NSUN7: variants seen among roughly 807,000 people sequenced by gnomAD.
NSUN7 encodes the protein protein NSUN7.
NSUN7 carries 39 observed loss-of-function variants against 58.5 expected under a neutral mutation model. The ratio of observed to expected loss-of-function variants is 0.67; its 90% confidence interval spans 0.52 to 0.87. The LOEUF (loss-of-function observed/expected upper bound fraction) is 0.87. Among genes scored for constraint, NSUN7 ranks in the 40% least tolerant of loss-of-function variants. NSUN7 has a pLI of 0.00. For synonymous variants in NSUN7, 278 were observed against 303.7 expected (o/e 0.92, Z 0.88); for missense variants, 765 against 844.1 (o/e 0.91, Z 1.16).
intron 2 of NSUN7, among the ~76,000 whole-genome samples, chr4:40,759,236 G>A (rs922228711): frequency 6.6e-5 from 10 of 151,896 alleles, no homozygotes; most frequent in South Asian, 2.1e-4. Flanking sequence ...ATTTGAACCC[G>A]GGAGGTGGAG....
chr4:40,788,530 T>A (rs1742936141), intron 7 of NSUN7, among the ~76,000 whole-genome samples: 1 of 152,218 alleles, frequency 6.6e-6, no homozygotes, highest in Non-Finnish European at 1.5e-5. Flanking sequence ...CCACACTTTG[T>A]CCTGCCTTGT....
In NSUN7 at chr4:40,776,037, A is replaced by G. The variant is rs756421867; in HGVS notation, c.826-12A>G. ...TACCCTTTGAAATTCTAATCATACC[A>G]TTATCTTACAGGACAAATCTCGAAG... On this transcript the variant is annotated splice_polypyrimidine_tract_variant and intron_variant, in intron 6 of 11. Coordinates refer to ENST00000381782, the MANE Select transcript of NSUN7 (RefSeq NM_024677.6). 31 of 1,539,486 alleles carry G rather than the reference A, an allele frequency of 2.0e-5. No homozygotes were observed. Among genetic ancestry groups the G allele is most frequent in the Middle Eastern group, 1.7e-4 (1 of 5,856 alleles).
intron 7 of NSUN7, among the ~76,000 whole-genome samples, chr4:40,782,349 A>G (rs1384622581): frequency 4.0e-5 from 6 of 151,852 alleles, no homozygotes; most frequent in African/African-American, 1.5e-4. Context: ...GATCACTTTG[A>G]GCTCAGGAGT....
chr4:40,793,915 C>A (rs1211501788), intron 8 of NSUN7, among the ~76,000 whole-genome samples: 1 of 151,998 alleles, frequency 6.6e-6, no homozygotes, highest in African/African-American at 2.4e-5. Context: ...ATAACATTTG[C>A]TTTTCTGAAT....
At chr4:40,786,857 C>G in intron 7 of NSUN7, 1 of 785,546 alleles carries the variant, frequency 1.3e-6, no homozygotes, top group Non-Finnish European at 2.0e-6. Flanking sequence ...AATCAGATGC[C>G]CAACTCTGTT....
intron 10 of NSUN7, among the ~76,000 whole-genome samples, chr4:40,801,236 C>T (rs927616376): frequency 6.6e-6 from 1 of 152,088 alleles, no homozygotes; most frequent in African/African-American, 2.4e-5. Flanking sequence ...AAGGTAGTGA[C>T]AGTTATACCT....
In NSUN7 at chr4:40,794,401, C is replaced by G. The variant is rs1743228115; in HGVS notation, c.1207C>G (p.Gln403Glu). 2.5e-6 allele frequency: 4 copies of G among 1,609,314 alleles called. No individual in the cohort carries two copies. Among genetic ancestry groups the G allele is most frequent in the Non-Finnish European group, 3.4e-6 (4 of 1,176,336 alleles). The change falls in exon 9 of 12, where the codon CAA becomes GAA. Residue 403 changes from glutamine to glutamate, a missense_variant. Physicochemically the swap from Gln to Glu is conservative, Grantham distance 29. Coordinates refer to ENST00000381782, the MANE Select transcript of NSUN7 (RefSeq NM_024677.6). ...EDTEFLKDHS[Q>E]GGISVDKLHV... is the part of the protein sequence containing the mutation. ...TACAGAATTCCTTAAAGATCACTCT[C>G]AAGGAGGCATCTCAGTGGACAAACT...
Position 40,808,631 on chromosome 4 carries a change from G to A in NSUN7, c.1849G>A (p.Ala617Thr), listed in dbSNP as rs1296300386. ...NKLAPHPAVP[A>T]FVKNTCPSRP... ...GCTGGCCCCCCATCCTGCAGTGCCT[G>A]CATTTGTGAAGAACACTTGTCCCTC... Residue 617 changes from alanine (A) to threonine (T), a missense_variant, in exon 12 of 12, where the codon GCA becomes ACA. By Grantham distance (58) the Ala-to-Thr change is moderately conservative. Transcript: ENST00000381782. The A allele has an allele frequency of 5.2e-6, 8 of 1,551,690 alleles. No individual in the cohort carries two copies. Among genetic ancestry groups the A allele is most frequent in the Non-Finnish European group, 4.4e-6 (5 of 1,147,032 alleles).
chr4:40,803,325 T>C (rs1477796990), intron 10 of NSUN7, among the ~76,000 whole-genome samples: 1 of 152,202 alleles, frequency 6.6e-6, no homozygotes, highest in African/African-American at 2.4e-5. Flanking sequence ...CTGGGTCAAA[T>C]GGTATTTTTA....
intron 10 of NSUN7, among the ~76,000 whole-genome samples, chr4:40,799,274 T>C (rs1238723322): frequency 6.6e-6 from 1 of 151,712 alleles, no homozygotes; most frequent in Non-Finnish European, 1.5e-5. Context: ...TTAGTAGAGA[T>C]GGGGGTTTTA....
rs1469535644 is a variant in NSUN7 at position 40,803,249 on chromosome 4, G to A, written c.1401-3812G>A. ...GTGACTAGTGCCGCAATAAACATACGTGTGCATGTGTCTTTATAACAGCAT... is the reference window on the plus strand; with the variant it reads ...GTGACTAGTGCCGCAATAAACATACATGTGCATGTGTCTTTATAACAGCAT... On this transcript the variant is annotated intron_variant, in intron 10 of 11. Transcript: ENST00000381782. Among the ~76,000 whole-genome samples the A allele has an allele frequency of 1.5e-4, 23 of 152,070 alleles. No homozygotes were observed. In the South Asian group the frequency reaches 2.1e-3, roughly 14 times the overall value.
At chr4:40,774,502 TG>T in intron 5 of NSUN7, 85 bp downstream of exon 5, 2 of 1,364,810 alleles carry the variant, frequency 1.5e-6, no homozygotes, top group Non-Finnish European at 2.1e-6. Flanking sequence ...TTTTAAGAGG[TG>T]GGGGTGGCAC....
intron 6 of NSUN7, 21 bp downstream of exon 6, chr4:40,774,971 A>G (rs964501475): frequency 7.1e-6 from 7 of 990,346 alleles, no homozygotes; most frequent in African/African-American, 3.3e-5. Flanking sequence ...ATTTACTTTC[A>G]TTGTGATTCT....
chr4:40,762,142 C>G (rs1023524553), intron 4 of NSUN7, among the ~76,000 whole-genome samples: 1 of 152,194 alleles, frequency 6.6e-6, no homozygotes. Context: ...AGGCCCTCAC[C>G]AAATGCCAGC....
chr4:40,783,403 CTT>C (rs774468453), intron 7 of NSUN7, among the ~76,000 whole-genome samples: 2 of 152,022 alleles, frequency 1.3e-5, no homozygotes, highest in African/African-American at 2.4e-5. Context: ...AGCTAAAACT[CTT>C]ATAAGAAAAC....
chr4:40,785,101 A>T (rs1260007762), intron 7 of NSUN7, among the ~76,000 whole-genome samples: 1 of 152,038 alleles, frequency 6.6e-6, no homozygotes, highest in Non-Finnish European at 1.5e-5. Context: ...CAGTGGTGTG[A>T]TCCTGGCTCA....
At chr4:40,753,410 C>G (rs758111527) in intron 2 of NSUN7, among the ~76,000 whole-genome samples, 1 of 151,812 alleles carries the variant, frequency 6.6e-6, no homozygotes, top group African/African-American at 2.4e-5. Context: ...CAAGTAGCTC[C>G]CAAGTGGCAC....
chr4:40,798,709 A>T, intron 9 of NSUN7, 78 bp from the exon 10 acceptor site: 1 of 771,122 alleles, frequency 1.3e-6, no homozygotes, highest in Middle Eastern at 2.4e-4. Context: ...AGTATCAAAT[A>T]GATGTTTGGA....
chr4:40,788,711 C>G (rs1410878733), intron 7 of NSUN7, among the ~76,000 whole-genome samples: 2 of 152,096 alleles, frequency 1.3e-5, no homozygotes, highest in African/African-American at 2.4e-5. Context: ...GTGTTCACCA[C>G]AGCATATTCC....
Sources: gnomAD v4.1 joint callset for allele counts (sites outside exome capture counted in the v4.1 genomes callset) on GRCh38, gnomAD v4.1.1 for gene constraint, MANE v1.5 for transcripts, NCBI Gene and HGNC (gene_info 2026-07-23, HGNC 2026-07-21) for gene names.